DARS1: variants seen among roughly 807,000 people sequenced by gnomAD.
DARS1 encodes the protein aspartyl-tRNA synthetase 1.
Under a neutral mutation model 68.8 loss-of-function variants are expected in DARS1, and 51 were observed. The ratio of observed to expected loss-of-function variants is 0.74; its 90% CI spans 0.59 to 0.94. The LOEUF (loss-of-function observed/expected upper bound fraction) is 0.94, where lower values mean the gene tolerates loss of function less well. Among genes scored for constraint, DARS1 ranks in the 40% least tolerant of loss-of-function variants. DARS1 has a pLI of 0.00. For synonymous variants in DARS1, 203 were observed against 190.4 expected (o/e 1.07, Z -0.55); for missense variants, 607 against 597.3 (o/e 1.02, Z -0.17).
chr2:135,944,607 T>C (rs1681679151), intron 4 of DARS1, among the ~76,000 whole-genome samples: 1 of 152,190 alleles, frequency 6.6e-6, no homozygotes, highest in East Asian at 1.9e-4. Flanking sequence ...TGCATATCTC[T>C]TGTACTCTCG....
chr2:135,933,897 G>C lies in DARS1; in HGVS notation c.504+13C>G. 1 of 1,610,384 alleles carries C rather than the reference G, an allele frequency of 6.2e-7. No individual in the cohort carries two copies. The highest frequency in any genetic ancestry group is 8.5e-7 in the Non-Finnish European group (1 of 1,177,994). ...ACAGCGGAAGCATAATATTTCATAA[G>C]TATAATTTTTACCTCTTCTCCTTCT... On this transcript the variant is annotated intron_variant, in intron 6 of 15. Transcript: ENST00000264161.
At position 135,985,443 on chromosome 2, in the gene DARS1, T is replaced by C; in HGVS notation, c.26A>G (p.Lys9Arg). The C allele has an allele frequency of 6.2e-7, 1 of 1,613,948 alleles. No individual in the cohort carries two copies. Among genetic ancestry groups the C allele is most frequent in the Non-Finnish European group, 8.5e-7 (1 of 1,179,962 alleles). ...GATCTCCCGCGGCTTCTCCTGACTC[T>C]TGCGGCTGGCGCTGGCGCTGGGCAT... The part of the protein sequence containing the change: MPSASASR[K>R]SQEKPREIMD... The change falls in exon 1 of 16, where the codon AAG (lysine) becomes AGG (arginine). Residue 9 changes from lysine (K) to arginine (R), a missense_variant. By Grantham distance (26) the Lys-to-Arg change is conservative. Coordinates refer to ENST00000264161, the MANE Select transcript of DARS1 (RefSeq NM_001349.4).
At position 135,955,107 on chromosome 2, in the gene DARS1, A is replaced by G. The variant is rs549830183; in HGVS notation, c.320+6289T>C. 6.6e-5 allele frequency among the ~76,000 whole-genome samples: 10 copies of G among 151,716 alleles called. No homozygotes were observed. In the East Asian group the frequency reaches 1.5e-3, roughly 24 times the overall value. On this transcript the variant is annotated intron_variant, in intron 4 of 15. Transcript: ENST00000264161. ...TTTATTTTTGGGTAGTCATCGGCTC[A>G]TATTTTTCTAAACTATTTCCATTTA... is the stretch of plus-strand genomic sequence containing the variant.
intron 2 of DARS1, among the ~76,000 whole-genome samples, 185 bp downstream of exon 2, chr2:135,983,212 A>G (rs976267788): frequency 4.6e-5 from 7 of 152,154 alleles, no homozygotes; most frequent in Admixed American, 3.9e-4. Context: ...TTCCTTTTCT[A>G]GAGTTGGAAC....
At chr2:135,972,470 T>A (rs997272024) in intron 3 of DARS1, among the ~76,000 whole-genome samples, 1 of 152,156 alleles carries the variant, frequency 6.6e-6, no homozygotes, top group African/African-American at 2.4e-5. Flanking sequence ...TGAACTATAA[T>A]ACTACAAGAA....
At chr2:135,950,165 T>A (rs1681811041) in intron 4 of DARS1, among the ~76,000 whole-genome samples, 1 of 152,202 alleles carries the variant, frequency 6.6e-6, no homozygotes, top group African/African-American at 2.4e-5. Context: ...TCCCACTTTG[T>A]TGTGTATGAG....
In DARS1 at chr2:135,916,309, C is replaced by A. The variant is rs200308019; in HGVS notation, c.1023G>T (p.Glu341Asp). ...CACAATATTCTAGTCTTAGAGTTGG[C>A]TCCAAAAATTTGAATGGCTCACATG... is the stretch of plus-strand genomic sequence containing the variant. ...QFPCEPFKFL[E>D]PTLRLEYCEA... Residue 341 changes from glutamate to aspartate, a missense_variant, in exon 11 of 16, where the codon GAG (glutamate) becomes GAT (aspartate). Physicochemically the swap from Glu to Asp is conservative, Grantham distance 45 (BLOSUM62 2). Coordinates refer to ENST00000264161, the MANE Select transcript of DARS1 (RefSeq NM_001349.4). The A allele has an allele frequency of 1.2e-5, 19 of 1,539,448 alleles. No homozygotes were observed. In the East Asian group the frequency reaches 2.0e-4, roughly 16 times the overall value.
chr2:135,907,237 GCTTT>G lies in DARS1; in HGVS notation c.*75_*78del, dbSNP rs1293083417. The G allele has an allele frequency of 1.6e-5, 12 of 751,018 alleles. No individual in the cohort carries two copies. Among genetic ancestry groups the G allele is most frequent in the South Asian group, 8.2e-5 (4 of 48,780 alleles). 46.5% of individuals were successfully genotyped at this position (751,018 alleles called of 1,614,324 possible). On this transcript the variant is annotated 3_prime_UTR_variant, in exon 16 of 16. Coordinates refer to ENST00000264161, the MANE Select transcript of DARS1 (RefSeq NM_001349.4). ...CAGGTTACTGAAAAGAATAAGTGTG[GCTTT>G]CTTTTTTTTTTTTTTTTTTTGAGGC...
chr2:135,907,355 G>A lies in DARS1; in HGVS notation c.1467C>T (p.Thr489=), dbSNP rs763837517. The change falls in exon 16 of 16, where the codon ACC becomes ACT. Residue 489 remains threonine (T), a synonymous_variant. Coordinates refer to ENST00000264161, the MANE Select transcript of DARS1 (RefSeq NM_001349.4). Reference sequence around the variant, plus strand: ...GTTTGGGATCACGAGGGAACATGGAGGTCTGACGAACATTATGCAATCCCA... The same window carrying A: ...GTTTGGGATCACGAGGGAACATGGAAGTCTGACGAACATTATGCAATCCCA... ...LFLGLHNVRQ[T]SMFPRDPKRL... The A allele has an allele frequency of 1.2e-6, 2 of 1,610,404 alleles. No homozygotes were observed. The highest frequency in any genetic ancestry group is 1.1e-5 in the South Asian group (1 of 90,964).
Position 135,906,627 on chromosome 2 carries a change from A to G in DARS1, c.*689T>C, listed in dbSNP as rs1236924824. 1 of 152,200 alleles carries G rather than the reference A, an allele frequency of 6.6e-6. No homozygotes were observed. The highest frequency in any genetic ancestry group is 1.5e-5 in the Non-Finnish European group (1 of 68,020). 9.4% of individuals were successfully genotyped at this position (152,200 alleles called of 1,614,324 possible). A position where few individuals can be genotyped will look rare whatever the true frequency, so the allele number is the denominator to read the frequency against. ...TATTTTTTCTTTTACCAAATTATGA[A>G]TGCCTAGCACCACTTACAAAATCAG... On this transcript the variant is annotated 3_prime_UTR_variant, in exon 16 of 16. Coordinates refer to ENST00000264161, the MANE Select transcript of DARS1 (RefSeq NM_001349.4).
intron 4 of DARS1, among the ~76,000 whole-genome samples, chr2:135,945,768 C>T (rs192182214): frequency 7.2e-5 from 11 of 152,294 alleles, no homozygotes; most frequent in Admixed American, 6.5e-4. Context: ...TAAGCTAGGG[C>T]CAAAGCTATT....
chr2:135,942,822 A>G (rs1681634631), intron 5 of DARS1, among the ~76,000 whole-genome samples: 1 of 152,126 alleles, frequency 6.6e-6, no homozygotes, highest in African/African-American at 2.4e-5. Context: ...GTTTGCAAAA[A>G]TGGCTGCAAT....
At chr2:135,963,684 CTT>C (rs34142242) in intron 3 of DARS1, among the ~76,000 whole-genome samples, 3 of 113,372 alleles carry the variant, frequency 2.6e-5, no homozygotes, top group Non-Finnish European at 1.9e-5. Context: ...TTAATGACTT[CTT>C]TTTTTTTTTT....
intron 15 of DARS1, among the ~76,000 whole-genome samples, chr2:135,908,659 T>C (rs1680835617): frequency 6.6e-6 from 1 of 152,242 alleles, no homozygotes; most frequent in African/African-American, 2.4e-5. Context: ...ATTTCTCTAA[T>C]GATCAGTGAT....
At chr2:135,932,887 A>G in intron 6 of DARS1, 45 bp from the exon 7 acceptor site, 1 of 892,860 alleles carries the variant, frequency 1.1e-6, no homozygotes, top group Non-Finnish European at 1.8e-6. Context: ...TTTTACTAAT[A>G]TTTTGAAGAG....
At chr2:135,925,416 T>C (rs1053421335) in intron 7 of DARS1, among the ~76,000 whole-genome samples, 1 of 152,216 alleles carries the variant, frequency 6.6e-6, no homozygotes, top group Non-Finnish European at 1.5e-5. Context: ...TTACGAGAAT[T>C]TCAATTACTT....
chr2:135,978,402 A>C (rs2104848521), intron 3 of DARS1, among the ~76,000 whole-genome samples: 1 of 152,304 alleles, frequency 6.6e-6, no homozygotes, highest in South Asian at 2.1e-4. Flanking sequence ...TACTCCACCA[A>C]TTACTATGAG....
chr2:135,962,574 A>T (rs1682124058), intron 3 of DARS1, among the ~76,000 whole-genome samples: 1 of 152,236 alleles, frequency 6.6e-6, no homozygotes, highest in Non-Finnish European at 1.5e-5. Flanking sequence ...ATCAGATAGC[A>T]ATCACAAGTT....
At chr2:135,922,327 G>C (rs1487754095) in intron 9 of DARS1, among the ~76,000 whole-genome samples, 1 of 152,090 alleles carries the variant, frequency 6.6e-6, no homozygotes, top group South Asian at 2.1e-4. Flanking sequence ...TTTGACCACT[G>C]CAACTACCTG....
Sources: gnomAD v4.1 joint callset for allele counts (sites outside exome capture counted in the v4.1 genomes callset) on GRCh38, gnomAD v4.1.1 for gene constraint, MANE v1.5 for transcripts, NCBI Gene and HGNC (gene_info 2026-07-23, HGNC 2026-07-21) for gene names.